Variants in CCDC178 observed in about 807,000 individuals in gnomAD.
CCDC178 encodes coiled-coil domain-containing protein 178.
A neutral mutation model predicts 117.4 loss-of-function variants in CCDC178; 126 were observed. That is an observed-to-expected ratio of 1.07 (90% confidence interval 0.93 to 1.24). CCDC178 has a LOEUF of 1.24. Ranked by LOEUF, CCDC178 falls within the 50% of genes most tolerant of loss-of-function variation. The probability of loss-of-function intolerance (pLI) is 0.00; values close to 1 mark genes in which losing one functional copy is unlikely to be tolerated. For missense variants in CCDC178, 1,030 were observed against 986.9 expected (o/e 1.04, Z -0.59); for synonymous variants, 283 against 313.4 (o/e 0.90, Z 1.02).
At position 33,293,165 on chromosome 18, in the gene CCDC178, T is replaced by G; in HGVS notation, c.1170A>C (p.Ser390=). 1 of 1,566,526 alleles carries G rather than the reference T, an allele frequency of 6.4e-7. No homozygotes were observed. The highest frequency in any genetic ancestry group is 8.7e-7 in the Non-Finnish European group (1 of 1,153,878). ...TCTAATATGAAAAACTCACCATTTT[T>G]GATAGAGAATGTAATTCATTTTTTG... ...KSSKNELHSL[S]KMLEDLRRVY... is the part of the protein sequence containing the mutation. Residue 390 remains serine (S), a synonymous_variant, in exon 12 of 23, where the codon TCA becomes TCC. Coordinates refer to ENST00000383096, the MANE Select transcript of CCDC178 (RefSeq NM_001105528.4).
In CCDC178 at chr18:32,937,826, A is replaced by T; in HGVS notation, c.*185T>A. ...CGTTCCTGACAGCAGCATGAAAGTC[A>T]CCTGTTTCATTGTTATGGATTTGCT... On this transcript the variant is annotated 3_prime_UTR_variant, in exon 23 of 23. Coordinates refer to ENST00000383096, the MANE Select transcript of CCDC178 (RefSeq NM_001105528.4). The T allele has an allele frequency of 1.8e-6, 1 of 565,120 alleles. No homozygotes were observed. The highest frequency in any genetic ancestry group is 2.4e-5 in the South Asian group (1 of 41,768). 35.0% of individuals were successfully genotyped at this position (565,120 alleles called of 1,614,324 possible). A position where few individuals can be genotyped will look rare whatever the true frequency, so the allele number is the denominator to read the frequency against.
At chr18:33,121,211 C>G (rs978997632) in intron 20 of CCDC178, among the ~76,000 whole-genome samples, 8 of 152,058 alleles carry the variant, frequency 5.3e-5, no homozygotes, top group Non-Finnish European at 1.0e-4. Context: ...TTTGGAAGGA[C>G]TTGGAAACAG....
chr18:33,167,590 G>A (rs1212433957), intron 20 of CCDC178, among the ~76,000 whole-genome samples: 1 of 152,032 alleles, frequency 6.6e-6, no homozygotes, highest in East Asian at 1.9e-4. Context: ...TCAGCTGGAT[G>A]CAGTGGCTCA....
chr18:33,085,940 T>C (rs957989659), intron 21 of CCDC178, among the ~76,000 whole-genome samples: 8 of 152,074 alleles, frequency 5.3e-5, no homozygotes, highest in Non-Finnish European at 1.0e-4. Flanking sequence ...AGATTAAAAA[T>C]GAGTTTTTCC....
intron 9 of CCDC178, among the ~76,000 whole-genome samples, chr18:33,340,464 A>G (rs1023156449): frequency 6.6e-6 from 1 of 152,186 alleles, no homozygotes; most frequent in African/African-American, 2.4e-5. Context: ...CATAAGTAGT[A>G]AGAAGCCTAA....
At chr18:33,207,816 T>C (rs2059063659) in intron 20 of CCDC178, among the ~76,000 whole-genome samples, 1 of 151,932 alleles carries the variant, frequency 6.6e-6, no homozygotes, top group Non-Finnish European at 1.5e-5. Context: ...TAGAGAGAGA[T>C]TTACAAATAA....
At chr18:33,347,307 CT>C (rs1490100987) in intron 8 of CCDC178, among the ~76,000 whole-genome samples, 1 of 152,064 alleles carries the variant, frequency 6.6e-6, no homozygotes, top group Non-Finnish European at 1.5e-5. Flanking sequence ...TTTTATGTTG[CT>C]TTTGGACAAT....
rs529763633 is a variant in CCDC178, at chr18:33,127,446, G to GT, written c.2239-34537dup. Among the ~76,000 whole-genome samples the GT allele has an allele frequency of 1.4e-3, 215 of 152,002 alleles. 1 individual carries two copies. The highest frequency in any genetic ancestry group is 4.4e-3 in the African/African-American group (183 of 41,486). On this transcript the variant is annotated intron_variant, in intron 20 of 22. Coordinates refer to ENST00000383096, the MANE Select transcript of CCDC178 (RefSeq NM_001105528.4). ...AACTGATCAGTTTTTTTGTTTGTTTGTTTTTTTGAGATGGAGTCTCACTCT... is the reference window on the plus strand; with the variant it reads ...AACTGATCAGTTTTTTTGTTTGTTTGTTTTTTTTGAGATGGAGTCTCACTCT...
At chr18:33,436,908 T>C (rs1293159420) in intron 2 of CCDC178, among the ~76,000 whole-genome samples, 1 of 152,208 alleles carries the variant, frequency 6.6e-6, no homozygotes, top group East Asian at 1.9e-4. Flanking sequence ...AGCATCTGCG[T>C]GACCCAGAGG....
chr18:33,383,422 G>A (rs1007681790), intron 5 of CCDC178, among the ~76,000 whole-genome samples: 2 of 151,892 alleles, frequency 1.3e-5, no homozygotes, highest in Non-Finnish European at 1.5e-5. Flanking sequence ...CTGACTGGGT[G>A]AGACCTCCCA....
chr18:33,132,215 T>C (rs1026544028), intron 20 of CCDC178, among the ~76,000 whole-genome samples: 2 of 151,714 alleles, frequency 1.3e-5, no homozygotes, highest in Admixed American at 1.3e-4. Flanking sequence ...TCTGTGGAAA[T>C]ATCTCCAGGA....
At chr18:33,229,482 ATCTTG>A (rs1484184194) in intron 15 of CCDC178, among the ~76,000 whole-genome samples, 2 of 152,206 alleles carry the variant, frequency 1.3e-5, no homozygotes, top group Non-Finnish European at 2.9e-5. Flanking sequence ...TGGTAGAATT[ATCTTG>A]TCTTAACTTC....
chr18:33,359,482 C>A (rs1027506165), intron 6 of CCDC178, among the ~76,000 whole-genome samples: 30 of 151,556 alleles, frequency 2.0e-4, no homozygotes, highest in African/African-American at 7.3e-4. Flanking sequence ...AAGTGGTTAA[C>A]ACAGAGAAGG....
intron 21 of CCDC178, among the ~76,000 whole-genome samples, chr18:33,035,259 T>A (rs548759016): frequency 2.6e-5 from 4 of 151,830 alleles, no homozygotes; most frequent in Non-Finnish European, 5.9e-5. Flanking sequence ...TGAGTCAGAA[T>A]GAATAAGCTG....
At chr18:33,057,667 A>AT (rs1406256578) in intron 21 of CCDC178, among the ~76,000 whole-genome samples, 1 of 151,772 alleles carries the variant, frequency 6.6e-6, no homozygotes, top group African/African-American at 2.4e-5. Flanking sequence ...AATGTTTGGT[A>AT]TTTTTTTAGT....
chr18:33,255,520 T>C (rs966930723), intron 14 of CCDC178, among the ~76,000 whole-genome samples: 2 of 151,944 alleles, frequency 1.3e-5, no homozygotes, highest in African/African-American at 2.4e-5. Context: ...AAAGTACCCA[T>C]TGGAGAGATA....
At chr18:33,287,233 G>T (rs1237627179) in intron 12 of CCDC178, among the ~76,000 whole-genome samples, 2 of 152,194 alleles carry the variant, frequency 1.3e-5, no homozygotes, top group East Asian at 3.9e-4. Context: ...CTCTTGAACT[G>T]GGAAGTTTCA....
At chr18:33,012,758 G>A (rs4306588) in intron 21 of CCDC178, among the ~76,000 whole-genome samples, 1,570 of 151,394 alleles carry the variant, frequency 0.01, 27 homozygotes, top group African/African-American at 0.036. Context: ...ACCTTTTTTC[G>A]CCATATGATA....
chr18:33,314,200 CAAAAAAAAAAA>C (rs869127341), intron 11 of CCDC178, among the ~76,000 whole-genome samples: 25 of 62,440 alleles, frequency 4.0e-4, no homozygotes, highest in Admixed American at 1.6e-3. Context: ...GACTCCGTCT[CAAAAAAAAAAA>C]AAAAAAAAAA....
Sources: allele counts gnomAD v4.1 joint callset (sites outside exome capture counted in the v4.1 genomes callset), GRCh38; gene constraint gnomAD v4.1.1; transcripts MANE v1.5; gene names NCBI Gene and HGNC (gene_info 2026-07-23, HGNC 2026-07-21).